Variants in DNAH17 observed in about 807,000 individuals in gnomAD.
DNAH17 encodes axonemal beta dynein heavy chain 17.
Under a neutral mutation model 485.6 loss-of-function variants are expected in DNAH17, and 376 were observed. The ratio of observed to expected loss-of-function variants is 0.77; its 90% CI spans 0.71 to 0.84. The LOEUF is 0.84. DNAH17 is among the 40% of genes least tolerant of loss of function. DNAH17 has a pLI of 0.00. For synonymous variants in DNAH17, 3,031 were observed against 2,405.9 expected, an observed-to-expected ratio of 1.26 and a Z score of -7.60; for missense variants, 6,370 against 5,839.3, an observed-to-expected ratio of 1.09 and a Z score of -2.96.
intron 11 of DNAH17, among the ~76,000 whole-genome samples, chr17:78,566,318 C>G (rs77147982): frequency 0.018 from 2,672 of 152,294 alleles, 88 homozygotes; most frequent in African/African-American, 0.06. Flanking sequence ...AGTGGGAAAA[C>G]TGAATCAAGA....
intron 17 of DNAH17, among the ~76,000 whole-genome samples, chr17:78,542,593 G>A (rs117904175): frequency 0.038 from 5,727 of 152,250 alleles, 168 homozygotes; most frequent in Middle Eastern, 0.068. Context: ...ACAATACAAT[G>A]TCAGGACTCC....
chr17:78,522,993 A>G (rs942401433), intron 25 of DNAH17, among the ~76,000 whole-genome samples: 1 of 152,102 alleles, frequency 6.6e-6, no homozygotes, highest in Middle Eastern at 3.4e-3. Flanking sequence ...AGCTGGGATC[A>G]CAAGTGCACA....
chr17:78,510,131 A>C (rs1322198821), intron 27 of DNAH17, among the ~76,000 whole-genome samples: 1 of 152,238 alleles, frequency 6.6e-6, no homozygotes, highest in East Asian at 1.9e-4. Flanking sequence ...GCAGTGAGCC[A>C]AGATCGTGCC....
intron 74 of DNAH17, among the ~76,000 whole-genome samples, chr17:78,434,755 C>T (rs917122829): frequency 3.2e-4 from 48 of 152,108 alleles, no homozygotes; most frequent in Admixed American, 2.6e-3. Flanking sequence ...GTGACTCCTA[C>T]GTCTCTGGAT....
chr17:78,570,557 G>A (rs536539280), intron 6 of DNAH17, among the ~76,000 whole-genome samples, 185 bp from the exon 7 acceptor site: 2 of 152,160 alleles, frequency 1.3e-5, no homozygotes, highest in South Asian at 4.2e-4. Flanking sequence ...GGCCCCACAT[G>A]CCTTGAAGAA....
rs559762826 is a variant in DNAH17 at position 78,486,218 on chromosome 17, C to T, written c.7101+6G>A. On this transcript the variant is annotated splice_donor_region_variant and intron_variant, in intron 45 of 80. Transcript: ENST00000389840. ...TGTGGGTGGCCGGGCCCCCCAGGTG[C>T]ATCACCTGGTCCTGGAACATGGCGC... 6.9e-6 allele frequency: 11 copies of T among 1,587,050 alleles called. No homozygotes were observed. The highest frequency in any genetic ancestry group is 3.5e-5 in the South Asian group (3 of 86,392).
At chr17:78,555,581 A>C (rs2092004303) in intron 14 of DNAH17, among the ~76,000 whole-genome samples, 1 of 148,352 alleles carries the variant, frequency 6.7e-6, no homozygotes, top group Admixed American at 6.7e-5. Flanking sequence ...CAAGAAGGTC[A>C]AAAGAGAAGG....
At chr17:78,484,816 G>C in intron 48 of DNAH17, 52 bp downstream of exon 48, 1 of 1,249,170 alleles carries the variant, frequency 8.0e-7, no homozygotes, top group Non-Finnish European at 1.0e-6. Flanking sequence ...CCCTGGCCCC[G>C]CCCTCACCGC....
At chr17:78,484,611 G>A (rs1598550819) in intron 48 of DNAH17, among the ~76,000 whole-genome samples, 1 of 152,210 alleles carries the variant, frequency 6.6e-6, no homozygotes, top group South Asian at 2.1e-4. Flanking sequence ...ACTGCTGCAT[G>A]TTTGTGAAAT....
intron 49 of DNAH17, 127 bp from the exon 50 acceptor site, chr17:78,479,759 G>A: frequency 7.7e-7 from 1 of 1,301,596 alleles, no homozygotes; most frequent in Non-Finnish European, 1.1e-6. Flanking sequence ...TGTCAGAATG[G>A]GCAGTTACCC....
chr17:78,431,746 G>C (rs867280971), intron 75 of DNAH17, among the ~76,000 whole-genome samples: 3 of 152,140 alleles, frequency 2.0e-5, no homozygotes, highest in Middle Eastern at 3.2e-3. Context: ...AGGTTGGCCA[G>C]CGCAGGCCAC....
intron 56 of DNAH17, among the ~76,000 whole-genome samples, chr17:78,465,579 G>C (rs931072788): frequency 6.9e-6 from 1 of 145,340 alleles, no homozygotes; most frequent in African/African-American, 2.6e-5. Flanking sequence ...CCTCTGCCCC[G>C]CCGCCCCATC....
intron 55 of DNAH17, among the ~76,000 whole-genome samples, chr17:78,467,695 G>A (rs760219713): frequency 1.3e-5 from 2 of 152,168 alleles, no homozygotes; most frequent in African/African-American, 4.8e-5. Flanking sequence ...GGTCCAAGGG[G>A]TTCTCTGTCC....
chr17:78,446,795 C>A (rs138472812), intron 69 of DNAH17, among the ~76,000 whole-genome samples: 1 of 152,172 alleles, frequency 6.6e-6, no homozygotes. Context: ...AGGTGTGTGC[C>A]ACCATGCCCG....
chr17:78,427,416 G>A (rs1254965108), intron 77 of DNAH17, among the ~76,000 whole-genome samples: 2 of 152,216 alleles, frequency 1.3e-5, no homozygotes, highest in African/African-American at 2.4e-5. Flanking sequence ...CTGGTCAAAT[G>A]TAGCCAGCGG....
At position 78,570,968 on chromosome 17, in the gene DNAH17, C is replaced by G; in HGVS notation, c.898G>C (p.Glu300Gln). ...CGCACCATCGTGAAGTCGGCTTGTTCCATCTCCTCCAGCAGGATCCGTAGG... is the reference window on the plus strand; with the variant it reads ...CGCACCATCGTGAAGTCGGCTTGTTGCATCTCCTCCAGCAGGATCCGTAGG... ...KPLRILLEEM[E>Q]QADFTMLPTF... is the part of the protein sequence containing the mutation. Residue 300 changes from glutamate (E) to glutamine (Q), a missense_variant, in exon 6 of 81, where the codon GAA (glutamate) becomes CAA (glutamine). Physicochemically the swap from Glu to Gln is conservative, Grantham distance 29 (BLOSUM62 2). Transcript: ENST00000389840. The G allele has an allele frequency of 1.3e-6, 2 of 1,587,832 alleles. No homozygotes were observed. The highest frequency in any genetic ancestry group is 1.7e-6 in the Non-Finnish European group (2 of 1,167,150).
rs535678813 is a variant in DNAH17 at position 78,455,762 on chromosome 17, G to A, written c.10052C>T (p.Thr3351Met). Residue 3351 changes from threonine (T) to methionine (M), a missense_variant, in exon 63 of 81, where the codon ACG becomes ATG. Transcript: ENST00000389840. ...SVENFRSQGV[T>M]LCGDVLLISA... is the part of the protein sequence containing the mutation. ...GATGAGCAGGACGTCCCCACACAGC[G>A]TGACCCCCTGGCTCCTGAAGTTCTC... 15 of 1,613,480 alleles carry A rather than the reference G, an allele frequency of 9.3e-6. No homozygotes were observed. Among genetic ancestry groups the A allele is most frequent in the East Asian group, 6.7e-5 (3 of 44,850 alleles).
intron 37 of DNAH17, among the ~76,000 whole-genome samples, chr17:78,498,308 G>A (rs76479871): frequency 3.3e-4 from 50 of 152,240 alleles, no homozygotes; most frequent in Admixed American, 9.8e-4. Context: ...CACCGCCAAC[G>A]CCCTGACTTG....
chr17:78,572,677 C>A, intron 3 of DNAH17, 24 bp downstream of exon 3: 1 of 1,570,538 alleles, frequency 6.4e-7, no homozygotes, highest in Non-Finnish European at 8.6e-7. Flanking sequence ...CCAGCGGCAG[C>A]CGGAAGCAGC....
Sources: gnomAD v4.1 joint callset for allele counts (sites outside exome capture counted in the v4.1 genomes callset) on GRCh38, gnomAD v4.1.1 for gene constraint, MANE v1.5 for transcripts, NCBI Gene and HGNC (gene_info 2026-07-23, HGNC 2026-07-21) for gene names.